Variants in LRP1B observed in about 807,000 individuals in gnomAD.
LRP1B encodes LDL receptor related protein 1B, also known as low-density lipoprotein receptor-related protein 1B.
LRP1B carries 217 observed loss-of-function variants against 556.6 expected under a neutral mutation model. That is an observed-to-expected ratio of 0.39 (90% CI 0.35 to 0.44). LRP1B has a LOEUF of 0.44. Ranked by LOEUF, LRP1B falls within the 20% of genes least tolerant of loss-of-function variation. The pLI is 1.00. For missense variants in LRP1B, 5,053 were observed against 5,620.8 expected (o/e 0.90, Z 3.23); for synonymous variants, 2,047 against 1,865.8 (o/e 1.10, Z -2.50).
At chr2:140,356,154 G>A (rs150152427) in intron 75 of LRP1B, among the ~76,000 whole-genome samples, 188 bp downstream of exon 75, 21 of 135,032 alleles carry the variant, frequency 1.6e-4, no homozygotes, top group Admixed American at 1.1e-3. Context: ...AGCCTCTGTC[G>A]TGGTTAGCTT....
At chr2:141,531,041 T>C (rs778346080) in intron 2 of LRP1B, among the ~76,000 whole-genome samples, 3 of 151,478 alleles carry the variant, frequency 2.0e-5, no homozygotes, top group Non-Finnish European at 2.9e-5. Flanking sequence ...ATTTTTAAAA[T>C]AATAATTTAG....
At chr2:141,747,645 T>C (rs1427811112) in intron 2 of LRP1B, among the ~76,000 whole-genome samples, 1 of 152,112 alleles carries the variant, frequency 6.6e-6, no homozygotes, top group Admixed American at 6.6e-5. Context: ...ATAAATCTAA[T>C]TAGATTAAAT....
intron 2 of LRP1B, among the ~76,000 whole-genome samples, chr2:141,758,260 A>T (rs1464879394): frequency 2.0e-5 from 3 of 152,184 alleles, no homozygotes; most frequent in Non-Finnish European, 4.4e-5. Flanking sequence ...TAAAAACATC[A>T]CATACTGCTT....
chr2:140,338,577 A>G (rs1035323012), intron 77 of LRP1B, among the ~76,000 whole-genome samples: 1 of 151,752 alleles, frequency 6.6e-6, no homozygotes, highest in African/African-American at 2.4e-5. Context: ...AATAGTATTA[A>G]CCATATAAAA....
intron 30 of LRP1B, 84 bp downstream of exon 30, chr2:140,840,834 T>A: frequency 9.4e-7 from 1 of 1,059,806 alleles, no homozygotes; most frequent in Non-Finnish European, 1.4e-6. Flanking sequence ...ATATATCCTC[T>A]GAATTAAGCA....
intron 66 of LRP1B, among the ~76,000 whole-genome samples, chr2:140,428,493 G>A (rs560049028): frequency 1.1e-4 from 16 of 152,276 alleles, no homozygotes; most frequent in East Asian, 3.9e-4. Context: ...CCATCTGTGC[G>A]GGACCCCACT....
At chr2:141,316,449 C>T (rs1687039858) in intron 3 of LRP1B, among the ~76,000 whole-genome samples, 3 of 152,078 alleles carry the variant, frequency 2.0e-5, no homozygotes, top group African/African-American at 7.2e-5. Context: ...TAAAAGAGAA[C>T]AGCACCTTTG....
intron 41 of LRP1B, among the ~76,000 whole-genome samples, chr2:140,607,248 TGAC>T (rs1217971615): frequency 3.9e-5 from 6 of 152,148 alleles, no homozygotes; most frequent in African/African-American, 1.4e-4. Flanking sequence ...ATATTCATTA[TGAC>T]GACTGCAACA....
chr2:141,932,239 TA>T (rs1700529166), intron 1 of LRP1B, among the ~76,000 whole-genome samples: 4 of 152,028 alleles, frequency 2.6e-5, no homozygotes, highest in Admixed American at 1.3e-4. Context: ...TCAACTCCCT[TA>T]AAAAAACTGT....
chr2:140,267,178 G>T (rs1682243626), intron 86 of LRP1B, among the ~76,000 whole-genome samples: 1 of 152,020 alleles, frequency 6.6e-6, no homozygotes, highest in South Asian at 2.1e-4. Context: ...GTCAGTTTTA[G>T]CTGCTATTAA....
intron 3 of LRP1B, among the ~76,000 whole-genome samples, chr2:141,399,795 A>G (rs1353274798): frequency 1.3e-5 from 2 of 152,172 alleles, no homozygotes; most frequent in African/African-American, 4.8e-5. Flanking sequence ...ATAGAAACCA[A>G]ATTTGTCAAA....
chr2:140,542,118 GAATT>G, intron 43 of LRP1B, 147 bp from the exon 44 acceptor site: 1 of 530,966 alleles, frequency 1.9e-6, no homozygotes, highest in Non-Finnish European at 3.2e-6. Flanking sequence ...TTTACTAAAT[GAATT>G]ATGATAATAT....
At chr2:142,111,867 A>G (rs367891569) in intron 1 of LRP1B, among the ~76,000 whole-genome samples, 1 of 152,128 alleles carries the variant, frequency 6.6e-6, no homozygotes, top group African/African-American at 2.4e-5. Flanking sequence ...TCAAAACTTC[A>G]AAAGAATAAT....
At chr2:140,276,864 T>A (rs1440767138) in intron 84 of LRP1B, among the ~76,000 whole-genome samples, 1 of 151,884 alleles carries the variant, frequency 6.6e-6, no homozygotes, top group Non-Finnish European at 1.5e-5. Flanking sequence ...TGCCACCCAC[T>A]CCTAGATTAT....
intron 3 of LRP1B, among the ~76,000 whole-genome samples, chr2:141,259,163 T>C (rs948962189): frequency 1.3e-5 from 2 of 152,196 alleles, no homozygotes; most frequent in Non-Finnish European, 2.9e-5. Flanking sequence ...TATTAATAAA[T>C]AGTAAGAGGG....
At chr2:140,443,830 G>A (rs552226421) in intron 65 of LRP1B, among the ~76,000 whole-genome samples, 80 of 152,252 alleles carry the variant, frequency 5.3e-4, no homozygotes, top group African/African-American at 1.5e-3. Context: ...TACGTTAAAT[G>A]GAGCAATATT....
intron 11 of LRP1B, among the ~76,000 whole-genome samples, chr2:141,026,002 TAG>T: frequency 1.3e-5 from 2 of 152,210 alleles, no homozygotes; most frequent in South Asian, 4.1e-4. Flanking sequence ...TGGATAATAT[TAG>T]AGTCTTCATT....
At chr2:141,193,625 C>T (rs114032752) in intron 6 of LRP1B, among the ~76,000 whole-genome samples, 11 of 151,612 alleles carry the variant, frequency 7.3e-5, no homozygotes, top group Non-Finnish European at 8.8e-5. Flanking sequence ...GTAGAAAAGA[C>T]AACTTTTGGG....
At chr2:140,682,635 G>A (rs761369561) in intron 41 of LRP1B, among the ~76,000 whole-genome samples, 1 of 151,734 alleles carries the variant, frequency 6.6e-6, no homozygotes, top group Non-Finnish European at 1.5e-5. Flanking sequence ...ATCATTTGTG[G>A]GAACTGGAAG....
Sources: allele counts gnomAD v4.1 joint callset (sites outside exome capture counted in the v4.1 genomes callset), GRCh38; gene constraint gnomAD v4.1.1; transcripts MANE v1.5; gene names NCBI Gene and HGNC (gene_info 2026-07-23, HGNC 2026-07-21).